Variants in RBFOX1 observed in about 807,000 individuals in gnomAD.
The protein encoded by RBFOX1 is RNA binding fox-1 homolog 1.
In RBFOX1, 8 loss-of-function variants were observed where a neutral mutation model predicts 57.7. The observed-to-expected ratio is 0.14, with a 90% confidence interval of 0.08 to 0.25. RBFOX1 has a LOEUF of 0.25. RBFOX1 is among the 10% of genes least tolerant of loss of function. The probability of loss-of-function intolerance (pLI) is 1.00; values close to 1 mark genes in which losing one functional copy is unlikely to be tolerated. For synonymous variants in RBFOX1, 326 were observed against 222.4 expected (o/e 1.47, Z -4.15); for missense variants, 611 against 548.5 (o/e 1.11, Z -1.14).
intron 3 of RBFOX1, among the ~76,000 whole-genome samples, chr16:6,807,687 ACG>A (rs2087207687): frequency 6.6e-6 from 1 of 152,018 alleles, no homozygotes; most frequent in South Asian, 2.1e-4. Context: ...ATGGTGGCAG[ACG>A]CCTGTAATCG....
intron 4 of RBFOX1, among the ~76,000 whole-genome samples, chr16:7,265,958 GTTTTTGTTTTTTTTT>G (rs1024005035): frequency 3.7e-5 from 4 of 107,604 alleles, no homozygotes; most frequent in African/African-American, 1.8e-4. Flanking sequence ...GATCTGGTGG[GTTTTTGTTTTTTTTT>G]TTTTTTTTTT....
In RBFOX1 at chr16:7,173,648, G is replaced by T. The variant is rs565496892; in HGVS notation, c.27+121550G>T. ...GAAAGAGCAGTAAAGATATTAGGAG[G>T]TGGTAATTAAGACTGAGAATGGCTC... On this transcript the variant is annotated intron_variant, in intron 4 of 15. Transcript: ENST00000550418. Among the ~76,000 whole-genome samples the T allele has an allele frequency of 3.3e-5, 5 of 152,218 alleles. No homozygotes were observed. The East Asian group carries it at 9.6e-4, about 29-fold the overall frequency.
At chr16:6,111,052 A>G (rs993087709) in intron 1 of RBFOX1, among the ~76,000 whole-genome samples, 7 of 152,154 alleles carry the variant, frequency 4.6e-5, no homozygotes, top group Non-Finnish European at 8.8e-5. Flanking sequence ...ACAGGGGTGG[A>G]ATGGGGAGGT....
chr16:5,807,253 C>CG (rs2055260224), intron 3 of RBFOX1, among the ~76,000 whole-genome samples: 1 of 152,180 alleles, frequency 6.6e-6, no homozygotes, highest in African/African-American at 2.4e-5. Flanking sequence ...TCTCCCTTCA[C>CG]GGGGGCTGTG....
intron 1 of RBFOX1, among the ~76,000 whole-genome samples, chr16:6,232,507 A>G (rs1232185601): frequency 6.6e-6 from 1 of 152,148 alleles, no homozygotes; most frequent in Non-Finnish European, 1.5e-5. Flanking sequence ...AAATTCTGTT[A>G]TGTGTGATCG....
At position 6,840,902 on chromosome 16, in the gene RBFOX1, A is replaced by AAAAG. The variant is rs1385482460; in HGVS notation, c.-16+186254_-16+186255insAGAA. ...GACTCTGTCTCAAAAAAAAAAAAAAAAACGAAAAAAGGTTTGAGAGACCCC... is the reference window on the plus strand; with the variant it reads ...GACTCTGTCTCAAAAAAAAAAAAAAAAAAGAACGAAAAAAGGTTTGAGAGACCCC... On this transcript the variant is annotated intron_variant, in intron 3 of 15. Transcript: ENST00000550418. Among the ~76,000 whole-genome samples the AAAAG allele has an allele frequency of 1.3e-3, 201 of 151,486 alleles. 1 individual carries two copies. The highest frequency in any genetic ancestry group is 4.1e-3 in the African/African-American group (170 of 41,270).
chr16:6,561,524 G>C (rs187705110), intron 2 of RBFOX1, among the ~76,000 whole-genome samples: 62 of 152,254 alleles, frequency 4.1e-4, no homozygotes, highest in African/African-American at 1.4e-3. Flanking sequence ...ATGTTGTTTT[G>C]AATATGAACA....
chr16:7,216,534 T>G (rs546887095), intron 4 of RBFOX1, among the ~76,000 whole-genome samples: 1 of 152,230 alleles, frequency 6.6e-6, no homozygotes, highest in South Asian at 2.1e-4. Context: ...TTGTAAAACT[T>G]AAATATAATG....
intron 4 of RBFOX1, among the ~76,000 whole-genome samples, chr16:7,076,259 C>T (rs1197273167): frequency 6.6e-6 from 1 of 151,892 alleles, no homozygotes; most frequent in Non-Finnish European, 1.5e-5. Flanking sequence ...GTCTTGATCT[C>T]CTGACCTCAT....
intron 3 of RBFOX1, among the ~76,000 whole-genome samples, chr16:6,933,714 C>T (rs1451657092): frequency 2.0e-5 from 3 of 152,164 alleles, no homozygotes; most frequent in Non-Finnish European, 4.4e-5. Context: ...GACTGCGTCT[C>T]ATTAAAACAA....
At position 7,213,703 on chromosome 16, in the gene RBFOX1, A is replaced by C. The variant is rs561601519; in HGVS notation, c.27+161605A>C. ...CCTGATATTGTCCCATTTTATACTC[A>C]AGGGACCGAGGTTCCAGAAGGCTAG... On this transcript the variant is annotated intron_variant, in intron 4 of 15. Transcript: ENST00000550418. Among the ~76,000 whole-genome samples, 7 of 152,304 alleles carry C rather than the reference A, an allele frequency of 4.6e-5. No individual in the cohort carries two copies. The South Asian group carries it at 1.5e-3, about 32-fold the overall frequency.
At chr16:7,088,815 G>C (rs184872787) in intron 4 of RBFOX1, among the ~76,000 whole-genome samples, 1 of 152,156 alleles carries the variant, frequency 6.6e-6, no homozygotes, top group Non-Finnish European at 1.5e-5. Context: ...TGCCAAGGGA[G>C]GGAGGCGTTT....
intron 1 of RBFOX1, chr16:5,240,151 G>A (rs1332434588): frequency 4.6e-6 from 6 of 1,294,352 alleles, no homozygotes; most frequent in Non-Finnish European, 5.4e-6. Flanking sequence ...GGGGCGCGGG[G>A]GTGCCGGAGA....
chr16:6,705,976 C>G (rs1470476011), intron 3 of RBFOX1, among the ~76,000 whole-genome samples: 2 of 152,058 alleles, frequency 1.3e-5, no homozygotes, highest in Non-Finnish European at 2.9e-5. Context: ...TAAGATGGTG[C>G]CACTGAACTC....
chr16:6,307,976 T>C (rs889281502), intron 1 of RBFOX1, among the ~76,000 whole-genome samples: 11 of 149,334 alleles, frequency 7.4e-5, no homozygotes, highest in Non-Finnish European at 1.0e-4. Flanking sequence ...ACTGTAATCA[T>C]TTATATATTC....
chr16:6,233,564 C>G (rs879868539), intron 1 of RBFOX1, among the ~76,000 whole-genome samples: 3 of 152,058 alleles, frequency 2.0e-5, no homozygotes, highest in South Asian at 4.1e-4. Context: ...TTTAAATGTC[C>G]TCACCCTCTA....
At chr16:7,023,564 T>TAAA (rs34056673) in intron 3 of RBFOX1, among the ~76,000 whole-genome samples, 969 of 43,906 alleles carry the variant, frequency 0.022, 56 homozygotes, top group East Asian at 0.062. Context: ...TCGTCTGTAC[T>TAAA]AAAAAAAAAA....
chr16:7,349,353 G>C (rs1010497943), intron 4 of RBFOX1, among the ~76,000 whole-genome samples: 1 of 152,068 alleles, frequency 6.6e-6, no homozygotes, highest in Non-Finnish European at 1.5e-5. Context: ...CAATTTAAGT[G>C]ACTTCGCTTT....
intron 2 of RBFOX1, among the ~76,000 whole-genome samples, chr16:6,501,535 A>C (rs1380246532): frequency 6.6e-6 from 1 of 151,960 alleles, no homozygotes; most frequent in Non-Finnish European, 1.5e-5. Flanking sequence ...AATCCAGTCT[A>C]TCATTGTTGG....
Sources: gnomAD v4.1 joint callset for allele counts (sites outside exome capture counted in the v4.1 genomes callset) on GRCh38, gnomAD v4.1.1 for gene constraint, MANE v1.5 for transcripts, NCBI Gene and HGNC (gene_info 2026-07-23, HGNC 2026-07-21) for gene names.